Variants in SHISA6 observed in about 807,000 individuals in gnomAD.
SHISA6 encodes shisa family member 6.
In SHISA6, 22 loss-of-function variants were observed where a neutral mutation model predicts 47.9. That is an observed-to-expected ratio of 0.46 (90% CI 0.33 to 0.66). The LOEUF (loss-of-function observed/expected upper bound fraction) is 0.66, where lower values mean the gene tolerates loss of function less well. Ranked by LOEUF, SHISA6 falls within the 30% of genes least tolerant of loss-of-function variation. SHISA6 has a pLI of 0.02. For synonymous variants in SHISA6, 388 were observed against 337.8 expected (o/e 1.15, Z -1.63); for missense variants, 680 against 764.6 (o/e 0.89, Z 1.30).
chr17:11,317,099 T>C (rs954649546), intron 2 of SHISA6, among the ~76,000 whole-genome samples: 1 of 152,134 alleles, frequency 6.6e-6, no homozygotes, highest in Admixed American at 6.5e-5. Context: ...GTTTGGAAAA[T>C]ACATATTTTA....
intron 2 of SHISA6, among the ~76,000 whole-genome samples, chr17:11,272,736 T>C (rs945827672): frequency 1.5e-4 from 23 of 152,202 alleles, no homozygotes; most frequent in African/African-American, 5.5e-4. Flanking sequence ...CTAGCAATGA[T>C]GTGAACCCCA....
chr17:11,449,921 G>A (rs1490323907), intron 3 of SHISA6, among the ~76,000 whole-genome samples: 1 of 152,218 alleles, frequency 6.6e-6, no homozygotes, highest in Non-Finnish European at 1.5e-5. Flanking sequence ...GTCTCGCTCT[G>A]TCGCCCAGGC....
intron 3 of SHISA6, among the ~76,000 whole-genome samples, chr17:11,453,307 A>G (rs1177278212): frequency 2.0e-5 from 3 of 152,196 alleles, no homozygotes; most frequent in Non-Finnish European, 4.4e-5. Context: ...CCTGAGGTCC[A>G]GGCAGCAGCA....
chr17:11,468,478 C>T (rs1915861756), intron 3 of SHISA6, among the ~76,000 whole-genome samples: 1 of 151,932 alleles, frequency 6.6e-6, no homozygotes, highest in African/African-American at 2.4e-5. Context: ...ACAGTGAGAA[C>T]TCAGGAGGAC....
At chr17:11,493,581 GCACA>G (rs34898125) in intron 3 of SHISA6, among the ~76,000 whole-genome samples, 104 of 148,844 alleles carry the variant, frequency 7.0e-4, no homozygotes, top group South Asian at 3.6e-3. Flanking sequence ...GCGTGCGCGC[GCACA>G]CACACACACA....
chr17:11,459,217 T>TC (rs1277545899), intron 3 of SHISA6, among the ~76,000 whole-genome samples: 156 of 89,064 alleles, frequency 1.8e-3, no homozygotes, highest in Middle Eastern at 7.5e-3. Flanking sequence ...AGACTCCATC[T>TC]CAAAAAAAAA....
At chr17:11,370,421 TTTTG>T (rs1912598695) in intron 2 of SHISA6, among the ~76,000 whole-genome samples, 1 of 152,184 alleles carries the variant, frequency 6.6e-6, no homozygotes, top group Non-Finnish European at 1.5e-5. Flanking sequence ...ATATTTACGT[TTTTG>T]TTTGTTTCTT....
At chr17:11,534,436 T>C (rs2071767991) in intron 3 of SHISA6, among the ~76,000 whole-genome samples, 1 of 152,176 alleles carries the variant, frequency 6.6e-6, no homozygotes, top group Non-Finnish European at 1.5e-5. Flanking sequence ...ACTCAATGGA[T>C]GCATGTTGAG....
Position 11,563,467 on chromosome 17 carries a change from C to T in SHISA6, c.*5163C>T, listed in dbSNP as rs941018433. ...CAAACCCATCTTGTAAATCAGCAAA[C>T]ACATTAACCTTCCATCAGTCAGAGA... On this transcript the variant is annotated 3_prime_UTR_variant, in exon 6 of 6. Transcript: ENST00000441885. The T allele has an allele frequency of 6.6e-6, 1 of 152,164 alleles. No homozygotes were observed. The highest frequency in any genetic ancestry group is 1.5e-5 in the Non-Finnish European group (1 of 68,030). The allele number at this position is 152,164 out of a possible 1,614,324, so 9.4% of individuals were successfully genotyped here.
chr17:11,531,479 T>C (rs1489003565), intron 3 of SHISA6, among the ~76,000 whole-genome samples: 1 of 152,126 alleles, frequency 6.6e-6, no homozygotes, highest in Non-Finnish European at 1.5e-5. Flanking sequence ...AGCTCTTCTG[T>C]TGGTCTGTCT....
In SHISA6 at chr17:11,534,932, A is replaced by C. The variant is rs189208693; in HGVS notation, c.896-16964A>C. On this transcript the variant is annotated intron_variant, in intron 3 of 5. Transcript: ENST00000441885. ...ATCACGAGGTCAAGAGATTGAGACC[A>C]TCCTGGCCAACATGGTGAAACCCCA... Among the ~76,000 whole-genome samples, 18 of 152,202 alleles carry C rather than the reference A, an allele frequency of 1.2e-4. No individual in the cohort carries two copies. The East Asian group carries it at 2.7e-3, about 23-fold the overall frequency.
intron 2 of SHISA6, among the ~76,000 whole-genome samples, chr17:11,269,536 C>T (rs935124899): frequency 6.6e-6 from 1 of 152,200 alleles, no homozygotes; most frequent in South Asian, 2.1e-4. Context: ...CCAGGCAACC[C>T]AGAGAGTCCC....
chr17:11,393,335 C>T (rs774442460), intron 3 of SHISA6, among the ~76,000 whole-genome samples: 1 of 152,140 alleles, frequency 6.6e-6, no homozygotes, highest in African/African-American at 2.4e-5. Flanking sequence ...AACTTACACA[C>T]CATTTGCCCC....
At chr17:11,526,518 C>T (rs937671112) in intron 3 of SHISA6, among the ~76,000 whole-genome samples, 1 of 152,138 alleles carries the variant, frequency 6.6e-6, no homozygotes, top group African/African-American at 2.4e-5. Context: ...TCATTTTACC[C>T]TGCACAGCTT....
chr17:11,276,042 A>G (rs1300279043), intron 2 of SHISA6, among the ~76,000 whole-genome samples: 1 of 151,810 alleles, frequency 6.6e-6, no homozygotes, highest in African/African-American at 2.4e-5. Context: ...CAGTGGTGCA[A>G]TCTCTGTTCA....
Position 11,340,773 on chromosome 17 carries a change from A to C in SHISA6, c.800-38641A>C, listed in dbSNP as rs114043511. Among the ~76,000 whole-genome samples, 297 of 152,358 alleles carry C rather than the reference A, an allele frequency of 1.9e-3. 2 individuals carry two copies. Among genetic ancestry groups the C allele is most frequent in the African/African-American group, 6.8e-3 (282 of 41,582 alleles). ...AAGGCTACCTAACAAGGCTGGGATC[A>C]CAGACAGTTTCTTGAAGCACTGAAC... On this transcript the variant is annotated intron_variant, in intron 2 of 5. Coordinates refer to ENST00000441885, the MANE Select transcript of SHISA6 (RefSeq NM_207386.4).
chr17:11,339,942 T>C (rs1173641826), intron 2 of SHISA6, among the ~76,000 whole-genome samples: 3 of 152,166 alleles, frequency 2.0e-5, no homozygotes, highest in East Asian at 1.9e-4. Flanking sequence ...TATTCAAGAA[T>C]TGGTACTAAA....
chr17:11,442,477 G>C (rs1915118901), intron 3 of SHISA6, among the ~76,000 whole-genome samples: 1 of 152,184 alleles, frequency 6.6e-6, no homozygotes, highest in African/African-American at 2.4e-5. Flanking sequence ...TCAGGTTCCA[G>C]TCCCAGCTCA....
chr17:11,536,583 T>C (rs2071790212), intron 3 of SHISA6, among the ~76,000 whole-genome samples: 3 of 152,140 alleles, frequency 2.0e-5, no homozygotes, highest in Admixed American at 6.5e-5. Flanking sequence ...AATCTGAAAT[T>C]TGCAAAAGAA....
Sources: allele counts gnomAD v4.1 joint callset (sites outside exome capture counted in the v4.1 genomes callset), GRCh38; gene constraint gnomAD v4.1.1; transcripts MANE v1.5; gene names NCBI Gene and HGNC (gene_info 2026-07-23, HGNC 2026-07-21).